PATJ: variants seen among roughly 807,000 people sequenced by gnomAD.
PATJ encodes inaD-like protein.
In PATJ, 190 loss-of-function variants were observed where a neutral mutation model predicts 224.9. The observed-to-expected ratio is 0.84, with a 90% CI of 0.75 to 0.95. PATJ has a LOEUF of 0.95. PATJ is among the 40% of genes least tolerant of loss of function. The pLI, the probability that PATJ is intolerant of heterozygous loss-of-function variation, is 0.00. For synonymous variants in PATJ, 769 were observed against 820.3 expected (o/e 0.94, Z 1.07); for missense variants, 2,121 against 2,270.3 (o/e 0.93, Z 1.34).
At chr1:61,777,699 CTTTCTTTTTTTT>C (rs1316332892) in intron 7 of PATJ, among the ~76,000 whole-genome samples, 1 of 80,086 alleles carries the variant, frequency 1.2e-5, no homozygotes, top group Non-Finnish European at 2.3e-5. Context: ...TTCTTTCTTT[CTTTCTTTTTTTT>C]TTTTTTTTTT....
chr1:61,886,570 A>C (rs1168046493), intron 22 of PATJ, among the ~76,000 whole-genome samples: 1 of 152,102 alleles, frequency 6.6e-6, no homozygotes, highest in Admixed American at 6.6e-5. Flanking sequence ...CTGTAATCCC[A>C]GCACTTTGGG....
At chr1:61,856,440 G>C (rs896456948) in intron 18 of PATJ, among the ~76,000 whole-genome samples, 1 of 152,090 alleles carries the variant, frequency 6.6e-6, no homozygotes, top group Non-Finnish European at 1.5e-5. Context: ...GGATTTAAAG[G>C]TTATATTCAT....
chr1:62,082,025 A>G (rs967144453), intron 32 of PATJ, among the ~76,000 whole-genome samples: 9 of 152,070 alleles, frequency 5.9e-5, no homozygotes, highest in African/African-American at 1.9e-4. Context: ...CCTTGCCTGT[A>G]TCTTACCTAG....
At chr1:62,123,469 CTTTTTTTTTTTTT>C (rs34621846) in intron 39 of PATJ, among the ~76,000 whole-genome samples, 2 of 64,538 alleles carry the variant, frequency 3.1e-5, no homozygotes, top group Admixed American at 2.8e-4. Flanking sequence ...CTATAAGTTT[CTTTTTTTTTTTTT>C]TTTTTTTTTT....
chr1:61,809,263 G>C (rs1037951309), intron 14 of PATJ, among the ~76,000 whole-genome samples: 3 of 152,242 alleles, frequency 2.0e-5, no homozygotes, highest in African/African-American at 4.8e-5. Flanking sequence ...CTCAACAATT[G>C]ATAAGAAAGG....
At position 62,037,935 on chromosome 1, in the gene PATJ, C is replaced by T. The variant is rs758567374; in HGVS notation, c.3960-42C>T. On this transcript the variant is annotated intron_variant, in intron 29 of 43. Coordinates refer to ENST00000642238, the MANE Select transcript of PATJ (RefSeq NM_001350145.3). ...TTTATAATTTGAGCCAGGAACTTAGCATTTACTGTGTACTGATTCTGCCTA... is the reference window on the plus strand; with the variant it reads ...TTTATAATTTGAGCCAGGAACTTAGTATTTACTGTGTACTGATTCTGCCTA... 2.3e-6 allele frequency: 3 copies of T among 1,300,890 alleles called. No homozygotes were observed. In the East Asian group the frequency reaches 7.4e-5, roughly 32 times the overall value. 80.6% of individuals were successfully genotyped at this position (1,300,890 alleles called of 1,614,324 possible). A position where few individuals can be genotyped will look rare whatever the true frequency, so the allele number is the denominator to read the frequency against.
chr1:62,152,655 GAA>G (rs111475924), intron 42 of PATJ, among the ~76,000 whole-genome samples: 4 of 145,684 alleles, frequency 2.7e-5, no homozygotes, highest in African/African-American at 5.0e-5. Context: ...TGTCTCAAAA[GAA>G]AAAAAAAAGG....
rs1668541656 is a variant in PATJ at position 61,884,461 on chromosome 1, T to G, written c.3131+53T>G. 1.2e-5 allele frequency: 14 copies of G among 1,206,258 alleles called. No individual in the cohort carries two copies. The South Asian group carries it at 2.4e-4, about 21-fold the overall frequency. The allele number at this position is 1,206,258 out of a possible 1,614,324, so 74.7% of individuals were successfully genotyped here. A position where few individuals can be genotyped will look rare whatever the true frequency, so the allele number is the denominator to read the frequency against. On this transcript the variant is annotated intron_variant, in intron 22 of 43. Coordinates refer to ENST00000642238, the MANE Select transcript of PATJ (RefSeq NM_001350145.3). ...CATTATAAAATAGTGGTTTTTTTTT[T>G]TTTTTTTTTTTTGCTTAAAAAATGC...
chr1:62,120,861 T>C (rs1664962062), intron 37 of PATJ: 1 of 269,528 alleles, frequency 3.7e-6, no homozygotes, highest in South Asian at 1.5e-4. Context: ...ATAAACACTA[T>C]GTGGCAACCT....
intron 22 of PATJ, among the ~76,000 whole-genome samples, chr1:61,897,676 T>A (rs1034933526): frequency 3.3e-5 from 5 of 152,200 alleles, no homozygotes; most frequent in African/African-American, 9.7e-5. Context: ...GACTTTTGGT[T>A]CCATATCACT....
At chr1:62,030,322 A>G (rs1308260622) in intron 29 of PATJ, among the ~76,000 whole-genome samples, 1 of 152,218 alleles carries the variant, frequency 6.6e-6, no homozygotes, top group Admixed American at 6.5e-5. Context: ...CGTTTACATT[A>G]TCTCATAACA....
At chr1:61,846,891 AC>A (rs1662057514) in intron 17 of PATJ, among the ~76,000 whole-genome samples, 1 of 152,162 alleles carries the variant, frequency 6.6e-6, no homozygotes, top group Admixed American at 6.5e-5. Flanking sequence ...GAGCCACTGC[AC>A]CCAGCTACAA....
intron 33 of PATJ, among the ~76,000 whole-genome samples, chr1:62,091,223 C>A (rs1385809734): frequency 6.6e-6 from 1 of 152,134 alleles, no homozygotes; most frequent in Non-Finnish European, 1.5e-5. Flanking sequence ...GATACCATTG[C>A]CAGAGATCCC....
intron 27 of PATJ, among the ~76,000 whole-genome samples, chr1:61,975,390 CCTTT>C (rs1368340926): frequency 1.3e-5 from 2 of 152,050 alleles, no homozygotes; most frequent in East Asian, 1.9e-4. Flanking sequence ...ATCTTTACTT[CCTTT>C]GTTTTCACCC....
chr1:61,968,933 A>G (rs1034748722), intron 27 of PATJ, among the ~76,000 whole-genome samples: 5 of 152,206 alleles, frequency 3.3e-5, no homozygotes, highest in African/African-American at 1.2e-4. Context: ...TGTTTCTATG[A>G]ATTTGACTAC....
intron 27 of PATJ, among the ~76,000 whole-genome samples, chr1:61,964,685 A>T (rs1681824555): frequency 6.6e-6 from 1 of 151,888 alleles, no homozygotes; most frequent in Non-Finnish European, 1.5e-5. Context: ...ACTACTGGGG[A>T]GGCTGAGGCA....
intron 31 of PATJ, among the ~76,000 whole-genome samples, chr1:62,060,779 C>A (rs1323707372): frequency 2.0e-5 from 3 of 152,154 alleles, no homozygotes; most frequent in Non-Finnish European, 2.9e-5. Flanking sequence ...TGGCCTCAAG[C>A]GGTCCTCCCA....
intron 33 of PATJ, among the ~76,000 whole-genome samples, chr1:62,099,351 T>TTC (rs1403282616): frequency 1.1e-5 from 1 of 89,876 alleles, no homozygotes; most frequent in East Asian, 2.2e-4. Context: ...CTCCAACTTT[T>TTC]TTTTTTTTTT....
chr1:62,031,273 GAA>G (rs1301495027), intron 29 of PATJ, among the ~76,000 whole-genome samples: 6 of 152,102 alleles, frequency 3.9e-5, no homozygotes, highest in Non-Finnish European at 7.3e-5. Context: ...CTTTAAAGAG[GAA>G]GAAAAGTTGA....
Sources: allele counts gnomAD v4.1 joint callset (sites outside exome capture counted in the v4.1 genomes callset), GRCh38; gene constraint gnomAD v4.1.1; transcripts MANE v1.5; gene names NCBI Gene and HGNC (gene_info 2026-07-23, HGNC 2026-07-21).